The following CNTN5 variants were observed in gnomAD, a reference collection of about 807,000 sequenced individuals.
The protein encoded by CNTN5 is contactin-5.
Under a neutral mutation model 129.1 loss-of-function variants are expected in CNTN5, and 77 were observed. The observed-to-expected ratio is 0.60, with a 90% CI of 0.50 to 0.72. CNTN5 has a LOEUF of 0.72. Ranked by LOEUF, CNTN5 falls within the 30% of genes least tolerant of loss-of-function variation. The pLI is 0.00. For missense variants in CNTN5, 1,478 were observed against 1,328.8 expected (o/e 1.11, Z -1.75); for synonymous variants, 509 against 465.6 (o/e 1.09, Z -1.20).
intron 15 of CNTN5, among the ~76,000 whole-genome samples, chr11:100,204,653 G>A (rs1483056662): frequency 2.6e-5 from 4 of 151,308 alleles, no homozygotes; most frequent in Non-Finnish European, 5.9e-5. Flanking sequence ...TGTAATTATA[G>A]AATATTATCA....
chr11:99,181,347 T>C (rs994101566), intron 1 of CNTN5, among the ~76,000 whole-genome samples: 11 of 152,212 alleles, frequency 7.2e-5, no homozygotes, highest in African/African-American at 2.7e-4. Flanking sequence ...ACAAAGGTGC[T>C]GTGTCTCATT....
Position 100,147,047 on chromosome 11 carries a change from T to G in CNTN5, c.1581-44079T>G, listed in dbSNP as rs1238852471. ...CACATGTAAACGTGATCATGTCTTT[T>G]ATAGTCTCCTCATGCCTCTTTCTCT... On this transcript the variant is annotated intron_variant, in intron 13 of 24. Transcript: ENST00000524871. 3.3e-5 allele frequency among the ~76,000 whole-genome samples: 5 copies of G among 152,158 alleles called. 1 individual carries two copies. Among genetic ancestry groups the G allele is most frequent in the Admixed American group, 1.3e-4 (2 of 15,254 alleles).
At chr11:99,756,852 A>G (rs1471531763) in intron 3 of CNTN5, among the ~76,000 whole-genome samples, 1 of 152,044 alleles carries the variant, frequency 6.6e-6, no homozygotes, top group African/African-American at 2.4e-5. Flanking sequence ...ATAAAAAGAA[A>G]TAACTTTTAA....
intron 3 of CNTN5, among the ~76,000 whole-genome samples, chr11:99,750,424 T>C (rs1944192183): frequency 6.6e-6 from 1 of 152,150 alleles, no homozygotes; most frequent in Non-Finnish European, 1.5e-5. Flanking sequence ...AGCAATATTG[T>C]AACTACATCA....
intron 22 of CNTN5, 33 bp from the exon 23 acceptor site, chr11:100,341,060 C>T: frequency 1.4e-6 from 2 of 1,380,794 alleles, no homozygotes; most frequent in Non-Finnish European, 2.1e-6. Flanking sequence ...TTTAAGAATC[C>T]TTGTCAGTTC....
chr11:99,525,295 AT>A (rs1745249678), intron 2 of CNTN5, among the ~76,000 whole-genome samples: 1 of 152,206 alleles, frequency 6.6e-6, no homozygotes, highest in Non-Finnish European at 1.5e-5. Flanking sequence ...TTTAAAAAAA[AT>A]AAGGACAAAA....
At chr11:100,120,357 C>T (rs756804211) in intron 13 of CNTN5, among the ~76,000 whole-genome samples, 2 of 151,912 alleles carry the variant, frequency 1.3e-5, no homozygotes, top group Non-Finnish European at 2.9e-5. Flanking sequence ...TTCATTTAAA[C>T]TGATCATAGT....
chr11:99,962,876 T>A (rs970216773), intron 8 of CNTN5, among the ~76,000 whole-genome samples: 7 of 150,634 alleles, frequency 4.6e-5, no homozygotes, highest in Admixed American at 6.6e-5. Context: ...GATATCTCAT[T>A]GTGGTTTTGA....
chr11:99,683,823 T>C (rs1378949616), intron 3 of CNTN5, among the ~76,000 whole-genome samples: 1 of 151,814 alleles, frequency 6.6e-6, no homozygotes, highest in Non-Finnish European at 1.5e-5. Flanking sequence ...TATTTCTAAT[T>C]GGAAATTTTA....
intron 1 of CNTN5, among the ~76,000 whole-genome samples, chr11:99,232,931 C>T (rs944876011): frequency 9.2e-5 from 14 of 152,112 alleles, no homozygotes; most frequent in African/African-American, 3.1e-4. Flanking sequence ...ATATGTTAAA[C>T]ATATAAAATG....
chr11:99,327,060 TA>T (rs1865814758), intron 2 of CNTN5, among the ~76,000 whole-genome samples: 1 of 152,166 alleles, frequency 6.6e-6, no homozygotes, highest in African/African-American at 2.4e-5. Context: ...TCAAACTCTA[TA>T]TTTTTTTTTA....
intron 3 of CNTN5, among the ~76,000 whole-genome samples, chr11:99,559,260 C>T (rs956338870): frequency 1.3e-5 from 2 of 152,088 alleles, no homozygotes; most frequent in African/African-American, 4.8e-5. Flanking sequence ...GTTGTTGGTG[C>T]TGTTTGAACC....
chr11:99,407,923 T>G (rs1339555524), intron 2 of CNTN5, among the ~76,000 whole-genome samples: 1 of 152,188 alleles, frequency 6.6e-6, no homozygotes, highest in African/African-American at 2.4e-5. Flanking sequence ...GCATCATGCT[T>G]CCACTACCCA....
chr11:100,346,645 A>G (rs1396938756), intron 23 of CNTN5, among the ~76,000 whole-genome samples: 1 of 152,140 alleles, frequency 6.6e-6, no homozygotes, highest in Non-Finnish European at 1.5e-5. Context: ...AGCCTTTCCT[A>G]GATATACAAC....
chr11:99,736,707 G>A (rs1191240392), intron 3 of CNTN5, among the ~76,000 whole-genome samples: 2 of 151,990 alleles, frequency 1.3e-5, no homozygotes, highest in Admixed American at 6.6e-5. Context: ...CATTGACGGT[G>A]ATATTTATAC....
At chr11:99,707,486 G>A (rs79388904) in intron 3 of CNTN5, among the ~76,000 whole-genome samples, 3,001 of 151,558 alleles carry the variant, frequency 0.02, 95 homozygotes, top group African/African-American at 0.067. Flanking sequence ...GCATTAATTC[G>A]TAAAAAAATG....
intron 15 of CNTN5, among the ~76,000 whole-genome samples, chr11:100,219,271 G>T (rs1949211078): frequency 6.6e-6 from 1 of 152,120 alleles, no homozygotes; most frequent in Non-Finnish European, 1.5e-5. Flanking sequence ...TCTTAGCACA[G>T]CACAAATGAA....
intron 3 of CNTN5, among the ~76,000 whole-genome samples, chr11:99,759,074 C>G (rs1435368814): frequency 1.3e-5 from 2 of 151,978 alleles, no homozygotes; most frequent in Non-Finnish European, 2.9e-5. Flanking sequence ...TATGCATTGT[C>G]CCATGCAATC....
At position 99,206,189 on chromosome 11, in the gene CNTN5, G is replaced by A. The variant is rs563722090; in HGVS notation, c.-209-119157G>A. 2.6e-5 allele frequency among the ~76,000 whole-genome samples: 4 copies of A among 152,174 alleles called. No individual in the cohort carries two copies. The East Asian group carries it at 7.7e-4, about 29-fold the overall frequency. The stretch of plus-strand genomic sequence containing the variant: ...TAATTTGGGTTTCCTTTGGGATTGT[G>A]CAGGTAGATTTATTTCCGAAAGATT... On this transcript the variant is annotated intron_variant, in intron 1 of 24. Coordinates refer to ENST00000524871, the MANE Select transcript of CNTN5 (RefSeq NM_014361.4).
Sources: allele counts gnomAD v4.1 joint callset (sites outside exome capture counted in the v4.1 genomes callset), GRCh38; gene constraint gnomAD v4.1.1; transcripts MANE v1.5; gene names NCBI Gene and HGNC (gene_info 2026-07-23, HGNC 2026-07-21).